LINC00305: variants seen among roughly 807,000 people sequenced by gnomAD.
LINC00305 encodes long intergenic non-protein coding RNA 305.
Position 64,143,661 on chromosome 18 carries a change from GTATTATGTATACATATGTATGTCCACA to G in LINC00305, n.314+5087_314+5113del, listed in dbSNP as rs1568120193. Among the ~76,000 whole-genome samples the G allele has an allele frequency of 4.6e-3, 605 of 132,034 alleles. 11 individuals carry two copies. Among genetic ancestry groups the G allele is most frequent in the African/African-American group, 0.017 (566 of 33,216 alleles). The allele number at this position is 132,034 out of a possible 152,430, so 86.6% of individuals were successfully genotyped here. On this transcript the variant is annotated intron_variant and non_coding_transcript_variant, in intron 1 of 3. Transcript: ENST00000666468. ...ATTATGTATACATATGTATGTACAC[GTATTATGTATACATATGTATGTCCACA>G]TATTATGCGTACATGTATGTCCACA...
intron 1 of LINC00305, among the ~76,000 whole-genome samples, chr18:64,110,365 A>G (rs2051309868): frequency 1.3e-5 from 2 of 152,188 alleles, no homozygotes. Flanking sequence ...TTAAGCTGGT[A>G]TTGCACATTC....
intron 1 of LINC00305, among the ~76,000 whole-genome samples, chr18:64,098,918 T>C (rs1021955525): frequency 2.6e-5 from 4 of 152,106 alleles, no homozygotes; most frequent in African/African-American, 9.7e-5. Context: ...ACAAGGAGCA[T>C]TGAAGTTTCA....
chr18:64,081,770 T>TA (rs747495770), intron 3 of LINC00305, among the ~76,000 whole-genome samples: 5 of 152,268 alleles, frequency 3.3e-5, no homozygotes, highest in East Asian at 1.9e-4. Flanking sequence ...GTGAACAATT[T>TA]AAAAAAACAT....
intron 1 of LINC00305, among the ~76,000 whole-genome samples, chr18:64,118,746 T>C (rs1161729373): frequency 1.3e-5 from 2 of 152,044 alleles, no homozygotes; most frequent in Non-Finnish European, 2.9e-5. Context: ...TATCTATGCA[T>C]CATTGGCTAT....
At chr18:64,085,140 T>C (rs2051198630) in intron 3 of LINC00305, among the ~76,000 whole-genome samples, 4 of 152,248 alleles carry the variant, frequency 2.6e-5, no homozygotes, top group Admixed American at 2.0e-4. Flanking sequence ...TGACTCTTGG[T>C]TAAACTGACT....
chr18:64,131,012 T>G (rs1485278423), intron 1 of LINC00305, among the ~76,000 whole-genome samples: 1 of 152,156 alleles, frequency 6.6e-6, no homozygotes, highest in Non-Finnish European at 1.5e-5. Flanking sequence ...TCAACTTGTG[T>G]TGATGTTCAC....
At chr18:64,126,046 C>G (rs909366761) in intron 1 of LINC00305, among the ~76,000 whole-genome samples, 1 of 151,990 alleles carries the variant, frequency 6.6e-6, no homozygotes, top group African/African-American at 2.4e-5. Flanking sequence ...TGATCTTGGG[C>G]TTCTCAGCCT....
chr18:64,096,375 A>G (rs896240441), intron 3 of LINC00305, among the ~76,000 whole-genome samples: 1 of 151,980 alleles, frequency 6.6e-6, no homozygotes, highest in African/African-American at 2.4e-5. Flanking sequence ...CGAAACAGCA[A>G]AAATATTTTG....
chr18:64,139,761 C>T (rs950177006), intron 1 of LINC00305, among the ~76,000 whole-genome samples: 11 of 152,064 alleles, frequency 7.2e-5, no homozygotes, highest in African/African-American at 1.7e-4. Flanking sequence ...TGGCAGGAAG[C>T]GGTCGCAGGT....
intron 3 of LINC00305, among the ~76,000 whole-genome samples, chr18:64,082,171 A>G (rs1471137420): frequency 6.6e-6 from 1 of 152,182 alleles, no homozygotes; most frequent in Non-Finnish European, 1.5e-5. Flanking sequence ...CCTAGGGATA[A>G]CATCACTATT....
At position 64,145,568 on chromosome 18, in the gene LINC00305, A is replaced by G. The variant is rs370234683; in HGVS notation, n.314+3207T>C. Among the ~76,000 whole-genome samples, 12 of 152,264 alleles carry G rather than the reference A, an allele frequency of 7.9e-5. No homozygotes were observed. In the South Asian group the frequency reaches 2.5e-3, roughly 32 times the overall value. ...TGGGCTGCTGGCCAGATCCCACAAT[A>G]ACCCAGATAATATTTTTTTGTAGTT... On this transcript the variant is annotated intron_variant and non_coding_transcript_variant, in intron 1 of 3. Transcript: ENST00000666468.
intron 1 of LINC00305, among the ~76,000 whole-genome samples, chr18:64,139,040 G>T (rs2051448713): frequency 1.3e-5 from 2 of 152,146 alleles, no homozygotes; most frequent in Non-Finnish European, 2.9e-5. Context: ...TAGAACTTTT[G>T]CAGGGAACAG....
chr18:64,100,052 A>G (rs1020962837), intron 1 of LINC00305, among the ~76,000 whole-genome samples: 4 of 152,208 alleles, frequency 2.6e-5, no homozygotes, highest in Admixed American at 6.5e-5. Context: ...GACATAGCAC[A>G]TATATTTTTA....
intron 3 of LINC00305, among the ~76,000 whole-genome samples, chr18:64,085,321 C>T (rs934406442): frequency 2.0e-5 from 3 of 152,200 alleles, no homozygotes; most frequent in Non-Finnish European, 2.9e-5. Context: ...CAGATCAAGA[C>T]CTATTTTCCA....
chr18:64,102,175 A>G (rs1204440987), intron 1 of LINC00305, among the ~76,000 whole-genome samples: 1 of 152,206 alleles, frequency 6.6e-6, no homozygotes, highest in African/African-American at 2.4e-5. Flanking sequence ...AGCCCTCAGC[A>G]GCAACTGGAC....
At chr18:64,103,695 G>A (rs778593968) in intron 1 of LINC00305, among the ~76,000 whole-genome samples, 3 of 152,292 alleles carry the variant, frequency 2.0e-5, no homozygotes, top group Non-Finnish European at 2.9e-5. Context: ...CTCCATGGCT[G>A]ATAACCAGCA....
chr18:64,140,681 G>A (rs895630582), intron 1 of LINC00305, among the ~76,000 whole-genome samples: 2 of 152,150 alleles, frequency 1.3e-5, no homozygotes, highest in African/African-American at 4.8e-5. Flanking sequence ...ACAGGATTTT[G>A]GTGTTACTGC....
At chr18:64,122,325 T>C (rs920249677) in intron 1 of LINC00305, among the ~76,000 whole-genome samples, 4 of 152,064 alleles carry the variant, frequency 2.6e-5, no homozygotes, top group South Asian at 2.1e-4. Flanking sequence ...TTAGGACTTA[T>C]GTTTATGTCT....
At chr18:64,143,776 ATGTATGTACACATATTATGCG>A in intron 1 of LINC00305, among the ~76,000 whole-genome samples, 2 of 98,928 alleles carry the variant, frequency 2.0e-5, no homozygotes, top group Non-Finnish European at 4.2e-5. Context: ...TTATGCGTAC[ATGTATGTACACATATTATGCG>A]TACATGTATG....
Sources: gnomAD v4.1 joint callset for allele counts (sites outside exome capture counted in the v4.1 genomes callset) on GRCh38, gnomAD v4.1.1 for gene constraint, MANE v1.5 for transcripts, NCBI Gene and HGNC (gene_info 2026-07-23, HGNC 2026-07-21) for gene names.